Variants in IRS2 observed in about 807,000 individuals in gnomAD.
IRS2 encodes the protein insulin receptor substrate 2.
A neutral mutation model predicts 70.9 loss-of-function variants in IRS2; 28 were observed. The observed-to-expected ratio is 0.39, with a 90% CI of 0.29 to 0.54. The LOEUF is 0.54. Ranked by LOEUF, IRS2 falls within the 20% of genes least tolerant of loss-of-function variation. The pLI is 0.59. For synonymous variants in IRS2, 1,217 were observed against 981.9 expected, an observed-to-expected ratio of 1.24 and a Z score of -4.48; for missense variants, 2,081 against 2,024.1, an observed-to-expected ratio of 1.03 and a Z score of -0.54.
Position 109,786,173 on chromosome 13 carries a change from C to G in IRS2, c.-120G>C, listed in dbSNP as rs1425987596. 1 of 497,882 alleles carries G rather than the reference C, an allele frequency of 2.0e-6. No homozygotes were observed. Among genetic ancestry groups the G allele is most frequent in the African/African-American group, 2.1e-5 (1 of 47,524 alleles). The allele number at this position is 497,882 out of a possible 1,614,324, so 30.8% of individuals were successfully genotyped here. A position where few individuals can be genotyped will look rare whatever the true frequency, so the allele number is the denominator to read the frequency against. On this transcript the variant is annotated 5_prime_UTR_variant, in exon 1 of 2. Transcript: ENST00000375856. The surrounding 1 kb of genome is among the most constrained non-coding windows in gnomAD (Gnocchi z 4.4). Reference sequence around the variant, plus strand: ...TTGCGCCCGGCCGCCCGCCCGATCACGCGTCCCTCGGGCCCAGGCGGTGGG... The same window carrying G: ...TTGCGCCCGGCCGCCCGCCCGATCAGGCGTCCCTCGGGCCCAGGCGGTGGG...
rs1266765526 is a variant in IRS2, at chr13:109,782,754, G to C, written c.3300C>G (p.Ser1100Arg). 4 of 1,601,068 alleles carry C rather than the reference G, an allele frequency of 2.5e-6. No homozygotes were observed. Among genetic ancestry groups the C allele is most frequent in the Non-Finnish European group, 3.4e-6 (4 of 1,174,446 alleles). ...PPKPEAARVA[S>R]PTSGVKRLSL... ...TCAGCCTCTTCACGCCCGACGTCGG[G>C]CTGGCCACGCGGGCAGCTTCTGGCT... The change falls in exon 1 of 2, where the codon AGC becomes AGG. Residue 1100 changes from serine (S) to arginine (R), a missense_variant. Coordinates refer to ENST00000375856, the MANE Select transcript of IRS2 (RefSeq NM_003749.3).
In IRS2 at chr13:109,784,536, G is replaced by A. The variant is rs2138936145; in HGVS notation, c.1518C>T (p.Ser506=). Residue 506 remains serine, a synonymous_variant, in exon 1 of 2, where the codon AGC becomes AGT. Coordinates refer to ENST00000375856, the MANE Select transcript of IRS2 (RefSeq NM_003749.3). This position sits in a 1 kb window ranked among gnomAD's most constrained non-coding sequence, Gnocchi z 5.2. Reference sequence around the variant, plus strand: ...TGCAGAAGGCGCGCAGGTCGCCTGGGCTGGAGCCGTACTCGTCCAGGGACA... The same window carrying A: ...TGCAGAAGGCGCGCAGGTCGCCTGGACTGGAGCCGTACTCGTCCAGGGACA... ...GFMSLDEYGS[S]PGDLRAFCSH... 5 of 1,515,550 alleles carry A rather than the reference G, an allele frequency of 3.3e-6. No individual in the cohort carries two copies. The highest frequency in any genetic ancestry group is 4.4e-6 in the Non-Finnish European group (5 of 1,135,438). 93.9% of individuals were successfully genotyped at this position (1,515,550 alleles called of 1,614,324 possible). A position where few individuals can be genotyped will look rare whatever the true frequency, so the allele number is the denominator to read the frequency against.
In IRS2 at chr13:109,783,461, C is replaced by T. The variant is rs1877791531; in HGVS notation, c.2593G>A (p.Val865Ile). The T allele has an allele frequency of 2.6e-6, 4 of 1,539,042 alleles. No individual in the cohort carries two copies. The highest frequency in any genetic ancestry group is 2.5e-5 in the East Asian group (1 of 40,802). Residue 865 changes from valine to isoleucine, a missense_variant, in exon 1 of 2, where the codon GTA (valine) becomes ATA (isoleucine). Val to Ile is a conservative substitution (Grantham distance 29). Transcript: ENST00000375856. ...CTAGGCCGCACGGGCGAAGGCACTA[C>T]AGGGTGAGGGGGCTGCGTGGGGCCG... is the stretch of plus-strand genomic sequence containing the variant. ...GAGPTQPPHP[V>I]VPSPVRPSGG...
chr13:109,761,144 G>T (rs540196098), intron 1 of IRS2, among the ~76,000 whole-genome samples: 193 of 152,310 alleles, frequency 1.3e-3, no homozygotes, highest in African/African-American at 4.0e-3. Flanking sequence ...GGAGGCCCCG[G>T]TCCTCTCTGC....
At position 109,785,529 on chromosome 13, in the gene IRS2, G is replaced by C. The variant is rs759375997; in HGVS notation, c.525C>G (p.Ala175=). The C allele has an allele frequency of 1.6e-5, 25 of 1,590,920 alleles. 1 individual carries two copies. Among genetic ancestry groups the C allele is most frequent in the Admixed American group, 6.9e-5 (4 of 57,706 alleles). Residue 175 remains alanine (A), a synonymous_variant, in exon 1 of 2, where the codon GCC becomes GCG. Transcript: ENST00000375856. This position sits in a 1 kb window ranked among gnomAD's most constrained non-coding sequence, Gnocchi z 9.3. ...AGCTGTCCTCGGCCCCGGCGGCGCC[G>C]GCAGAGCCGCCCAGGGCGCCGGGCA... is the stretch of plus-strand genomic sequence containing the variant. The part of the protein sequence containing the change: ...ASLPGALGGS[A]GAAGAEDSYG...
In IRS2 at chr13:109,784,412, G is replaced by C. The variant is rs1434559438; in HGVS notation, c.1642C>G (p.Pro548Ala). The C allele has an allele frequency of 6.2e-7, 1 of 1,610,286 alleles. No homozygotes were observed. Among genetic ancestry groups the C allele is most frequent in the Non-Finnish European group, 8.5e-7 (1 of 1,179,134 alleles). The change falls in exon 1 of 2, where the codon CCC becomes GCC. Residue 548 changes from proline (P) to alanine (A), a missense_variant. Physicochemically the swap from Pro to Ala is conservative, Grantham distance 27. This residue lies in a region of IRS2 where 1,615 missense variants were observed against 1,459.5 expected (regional missense o/e 1.11). Coordinates refer to ENST00000375856, the MANE Select transcript of IRS2 (RefSeq NM_003749.3). The surrounding 1 kb of genome is among the most constrained non-coding windows in gnomAD (Gnocchi z 5.2). ...EFYGYMTMDR[P>A]LSHCGRSYRR... ...TAGGAGCGGCCACAGTGGCTCAGGG[G>C]CCTGTCCATGGTCATGTACCCGTAG...
Position 109,756,056 on chromosome 13 carries a change from TAAAAC to T in IRS2, c.*243_*247del, listed in dbSNP as rs775492539. ...GAATAACTTCTTCAGCTAATTTTGT[TAAAAC>T]AAAACAAAACAAAACGCAAACAGCA... On this transcript the variant is annotated 3_prime_UTR_variant, in exon 2 of 2. Coordinates refer to ENST00000375856, the MANE Select transcript of IRS2 (RefSeq NM_003749.3). 73 of 506,636 alleles carry T rather than the reference TAAAAC, an allele frequency of 1.4e-4. 1 individual carries two copies. Among genetic ancestry groups the T allele is most frequent in the African/African-American group, 3.0e-4 (16 of 52,602 alleles). 31.4% of individuals were successfully genotyped at this position (506,636 alleles called of 1,614,324 possible).
At chr13:109,779,594 A>G (rs1430744051) in intron 1 of IRS2, among the ~76,000 whole-genome samples, 1 of 152,212 alleles carries the variant, frequency 6.6e-6, no homozygotes, top group East Asian at 1.9e-4. Flanking sequence ...AGCCTTTCCT[A>G]TTCTGCTGTT....
In IRS2 at chr13:109,782,886, C is replaced by T. The variant is rs1459326505; in HGVS notation, c.3168G>A (p.Pro1056=). The change falls in exon 1 of 2, where the codon CCG becomes CCA. Residue 1056 remains proline, a synonymous_variant. Transcript: ENST00000375856. ...CCGAGGACAACGATGAGGCGGCGCC[C>T]GGGCCCTGGGCGGTGGCAACGGCCG... is the stretch of plus-strand genomic sequence containing the variant. ...PASAVATAQG[P]GAASSLSSDT... 2.6e-6 allele frequency: 4 copies of T among 1,560,180 alleles called. No homozygotes were observed. Among genetic ancestry groups the T allele is most frequent in the Non-Finnish European group, 1.7e-6 (2 of 1,152,662 alleles).
chr13:109,756,063 AAAC>A lies in IRS2; in HGVS notation c.*238_*240del. ...TTCTTCAGCTAATTTTGTTAAAACAAAACAAAACAAAACGCAAACAGCACAATG... is the reference window on the plus strand; with the variant it reads ...TTCTTCAGCTAATTTTGTTAAAACAAAAAACAAAACGCAAACAGCACAATG... On this transcript the variant is annotated 3_prime_UTR_variant, in exon 2 of 2. Coordinates refer to ENST00000375856, the MANE Select transcript of IRS2 (RefSeq NM_003749.3). 2.0e-6 allele frequency: 1 copy of A among 497,684 alleles called. No individual in the cohort carries two copies. The highest frequency in any genetic ancestry group is 3.6e-6 in the Non-Finnish European group (1 of 277,154). 30.8% of individuals were successfully genotyped at this position (497,684 alleles called of 1,614,324 possible).
In IRS2 at chr13:109,786,093, A is replaced by C; in HGVS notation, c.-40T>G. 9.9e-7 allele frequency: 1 copy of C among 1,013,994 alleles called. No individual in the cohort carries two copies. Among genetic ancestry groups the C allele is most frequent in the South Asian group, 4.6e-5 (1 of 21,874 alleles). 62.8% of individuals were successfully genotyped at this position (1,013,994 alleles called of 1,614,324 possible). On this transcript the variant is annotated 5_prime_UTR_variant, in exon 1 of 2. Transcript: ENST00000375856. This position sits in a 1 kb window ranked among gnomAD's most constrained non-coding sequence, Gnocchi z 4.4. ...GCCGCGCGGCCCGGGCCCGGCGCCC[A>C]GGGGTTGGGGCGAGGGGCGGAGGGG...
Position 109,783,301 on chromosome 13 carries a change from T to A in IRS2, c.2753A>T (p.Glu918Val). The A allele has an allele frequency of 6.5e-7, 1 of 1,533,600 alleles. No individual in the cohort carries two copies. Among genetic ancestry groups the A allele is most frequent in the East Asian group, 2.6e-5 (1 of 38,876 alleles). The allele number at this position is 1,533,600 out of a possible 1,614,324, so 95.0% of individuals were successfully genotyped here. The change falls in exon 1 of 2, where the codon GAG (glutamate) becomes GTG (valine). Residue 918 changes from glutamate (E) to valine (V), a missense_variant. Around this residue, in one of 4 missense-constraint regions of IRS2, gnomAD observed 1,615 missense variants for 1,459.5 expected, o/e 1.11. Transcript: ENST00000375856. ...PLPPEPKSPG[E>V]YINIDFGEPG... is the part of the protein sequence containing the mutation. ...CTCGCCAAAGTCGATGTTGATGTACTCGCCGGGGCTCTTGGGCTCCGGTGG... is the reference window on the plus strand; with the variant it reads ...CTCGCCAAAGTCGATGTTGATGTACACGCCGGGGCTCTTGGGCTCCGGTGG...
rs770570420 is a variant in IRS2 at position 109,782,703 on chromosome 13, G to A, written c.3351C>T (p.Val1117=). The A allele has an allele frequency of 3.8e-6, 6 of 1,588,900 alleles. No homozygotes were observed. Among genetic ancestry groups the A allele is most frequent in the Admixed American group, 1.8e-5 (1 of 56,818 alleles). The change falls in exon 1 of 2, where the codon GTC becomes GTT. Residue 1117 remains valine, a synonymous_variant. Transcript: ENST00000375856. ...GCTGGCTGGCCTGCAGGAAGGCCTC[G>A]ACTCCCGACACCTGCTCCATGAGGC... is the stretch of plus-strand genomic sequence containing the variant. The part of the protein sequence containing the change: ...RLSLMEQVSG[V]EAFLQASQPP...
In IRS2 at chr13:109,782,227, G is replaced by A. The variant is rs775729302; in HGVS notation, c.3827C>T (p.Pro1276Leu). ...PQPQPPPPPL[P>L]QPGDKSSWGR... Reference sequence around the variant, plus strand: ...CCAGGAGCTCTTGTCTCCCGGCTGAGGAAGCGGCGGCGGCGGCGGCTGCGG... The same window carrying A: ...CCAGGAGCTCTTGTCTCCCGGCTGAAGAAGCGGCGGCGGCGGCGGCTGCGG... Residue 1276 changes from proline to leucine, a missense_variant, in exon 1 of 2, where the codon CCT becomes CTT. Around this residue, in one of 4 missense-constraint regions of IRS2, gnomAD observed 1,615 missense variants for 1,459.5 expected, o/e 1.11. Transcript: ENST00000375856. 4.4e-6 allele frequency: 7 copies of A among 1,607,418 alleles called. No individual in the cohort carries two copies. The highest frequency in any genetic ancestry group is 1.7e-5 in the Admixed American group (1 of 59,598).
rs1460097966 is a variant in IRS2 at position 109,785,253 on chromosome 13, G to A, written c.801C>T (p.Pro267=). The change falls in exon 1 of 2, where the codon CCC becomes CCT. Residue 267 remains proline (P), a synonymous_variant. Transcript: ENST00000375856. This position sits in a 1 kb window ranked among gnomAD's most constrained non-coding sequence, Gnocchi z 9.3. ...IEVGRSAVTG[P]GELWMQADDS... is the part of the protein sequence containing the mutation. Reference sequence around the variant, plus strand: ...CGTCCGCCTGCATCCACAGCTCGCCGGGGCCTGTGACGGCCGAGCGGCCCA... The same window carrying A: ...CGTCCGCCTGCATCCACAGCTCGCCAGGGCCTGTGACGGCCGAGCGGCCCA... 1.2e-6 allele frequency: 2 copies of A among 1,607,152 alleles called. No homozygotes were observed. Among genetic ancestry groups the A allele is most frequent in the Admixed American group, 1.7e-5 (1 of 59,514 alleles).
chr13:109,774,792 T>C (rs908461605), intron 1 of IRS2, among the ~76,000 whole-genome samples: 1 of 152,204 alleles, frequency 6.6e-6, no homozygotes, highest in African/African-American at 2.4e-5. Context: ...ATATTGTATA[T>C]AGGAAAATGT....
At chr13:109,780,186 G>T (rs557417595) in intron 1 of IRS2, among the ~76,000 whole-genome samples, 1 of 152,272 alleles carries the variant, frequency 6.6e-6, no homozygotes, top group Admixed American at 6.5e-5. Context: ...AATCAGATTC[G>T]GGTAAGATGT....
intron 1 of IRS2, among the ~76,000 whole-genome samples, chr13:109,776,496 A>C (rs1261969041): frequency 6.6e-6 from 1 of 152,340 alleles, no homozygotes; most frequent in African/African-American, 2.4e-5. Flanking sequence ...GTAACCCATA[A>C]GTTTTAATCC....
chr13:109,756,364 T>C, intron 1 of IRS2, 56 bp from the exon 2 acceptor site: 1 of 1,551,744 alleles, frequency 6.4e-7, no homozygotes, highest in East Asian at 2.2e-5. Context: ...GAGCAATCTC[T>C]GGAGTTCCAG....
Sources: gnomAD v4.1 joint callset for allele counts (sites outside exome capture counted in the v4.1 genomes callset) on GRCh38, gnomAD v4.1.1 for gene constraint, gnomAD v4.1.1 regional missense constraint, Gnocchi (gnomAD v3.1) non-coding constraint, MANE v1.5 for transcripts, NCBI Gene and HGNC (gene_info 2026-07-23, HGNC 2026-07-21) for gene names.